The following PIBF1 variants were observed in gnomAD, a reference collection of about 807,000 sequenced individuals.
PIBF1 encodes progesterone-induced-blocking factor 1.
PIBF1 carries 90 observed loss-of-function variants against 112.5 expected under a neutral mutation model. The ratio of observed to expected loss-of-function variants is 0.80; its 90% CI spans 0.67 to 0.95. The LOEUF is 0.95. PIBF1 is among the 40% of genes least tolerant of loss of function. The probability of loss-of-function intolerance (pLI) is 0.00; values close to 1 mark genes in which losing one functional copy is unlikely to be tolerated. For synonymous variants in PIBF1, 301 were observed against 288.6 expected, an observed-to-expected ratio of 1.04 and a Z score of -0.44; for missense variants, 915 against 852.3, an observed-to-expected ratio of 1.07 and a Z score of -0.92.
intron 15 of PIBF1, among the ~76,000 whole-genome samples, chr13:72,972,224 G>T (rs1356239295): frequency 5.3e-5 from 8 of 151,478 alleles, no homozygotes; most frequent in South Asian, 4.2e-4. Context: ...AGAGATGGGG[G>T]TCTCTCTGTG....
At chr13:72,897,623 C>T (rs969681458) in intron 11 of PIBF1, among the ~76,000 whole-genome samples, 5 of 152,148 alleles carry the variant, frequency 3.3e-5, no homozygotes, top group African/African-American at 1.2e-4. Context: ...TGGAAAAAGG[C>T]ATTTCATGCA....
At chr13:72,848,983 T>C (rs1009672727) in intron 9 of PIBF1, among the ~76,000 whole-genome samples, 4 of 152,226 alleles carry the variant, frequency 2.6e-5, no homozygotes, top group African/African-American at 9.6e-5. Context: ...TTCTAAAAAG[T>C]GCACCAGGTT....
chr13:72,963,105 C>G (rs2042649428), intron 14 of PIBF1, among the ~76,000 whole-genome samples: 1 of 152,082 alleles, frequency 6.6e-6, no homozygotes, highest in African/African-American at 2.4e-5. Context: ...AAGTTGGACC[C>G]TTACCTTACA....
chr13:72,791,529 C>T (rs759624981), intron 2 of PIBF1, among the ~76,000 whole-genome samples: 5 of 152,118 alleles, frequency 3.3e-5, no homozygotes, highest in Non-Finnish European at 7.4e-5. Context: ...AAGCTAATGA[C>T]AAAAGTAGTT....
intron 3 of PIBF1, among the ~76,000 whole-genome samples, chr13:72,793,529 C>T (rs961820271): frequency 1.3e-5 from 2 of 152,192 alleles, no homozygotes; most frequent in African/African-American, 2.4e-5. Flanking sequence ...GCAGATGCTG[C>T]TGGTCCAGAA....
Position 72,893,962 on chromosome 13 carries a change from G to A in PIBF1, c.1488+13G>A. 3 of 1,444,106 alleles carry A rather than the reference G, an allele frequency of 2.1e-6. No individual in the cohort carries two copies. The highest frequency in any genetic ancestry group is 1.8e-6 in the Non-Finnish European group (2 of 1,082,490). The allele number at this position is 1,444,106 out of a possible 1,614,324, so 89.5% of individuals were successfully genotyped here. A position where few individuals can be genotyped will look rare whatever the true frequency, so the allele number is the denominator to read the frequency against. On this transcript the variant is annotated intron_variant, in intron 11 of 17. Coordinates refer to ENST00000326291, the MANE Select transcript of PIBF1 (RefSeq NM_006346.4). ...GAAAAAATTGGAGGTACATGTACAA[G>A]CTTTTCTTTCAACATTAGCATGGCA... is the stretch of plus-strand genomic sequence containing the variant.
intron 6 of PIBF1, among the ~76,000 whole-genome samples, chr13:72,824,805 C>G (rs1478684548): frequency 6.6e-6 from 1 of 152,156 alleles, no homozygotes; most frequent in Non-Finnish European, 1.5e-5. Flanking sequence ...CTACCTTAAC[C>G]TAGTGATCAA....
chr13:72,994,957 G>C (rs1374799256), intron 16 of PIBF1, among the ~76,000 whole-genome samples: 1 of 152,130 alleles, frequency 6.6e-6, no homozygotes, highest in Non-Finnish European at 1.5e-5. Context: ...AAAAAGGTCG[G>C]TGTAAGACAT....
At chr13:72,858,145 G>A (rs537923455) in intron 10 of PIBF1, among the ~76,000 whole-genome samples, 125 of 151,944 alleles carry the variant, frequency 8.2e-4, no homozygotes, top group Middle Eastern at 3.4e-3. Flanking sequence ...TCTGCCTCCC[G>A]GGTTCAAGTG....
chr13:72,877,134 G>T (rs1278495405), intron 10 of PIBF1, among the ~76,000 whole-genome samples: 1 of 152,088 alleles, frequency 6.6e-6, no homozygotes, highest in Admixed American at 6.6e-5. Context: ...CTATTGACAG[G>T]ATCATGTGGT....
At chr13:72,889,944 G>A (rs1383518458) in intron 10 of PIBF1, among the ~76,000 whole-genome samples, 1 of 152,150 alleles carries the variant, frequency 6.6e-6, no homozygotes, top group African/African-American at 2.4e-5. Flanking sequence ...TCAAAAATCA[G>A]TTGTTTCTCA....
chr13:72,892,833 T>A (rs9543165), intron 10 of PIBF1, among the ~76,000 whole-genome samples: 17,792 of 141,702 alleles, frequency 0.13, 1,412 homozygotes, highest in Non-Finnish European at 0.18. Flanking sequence ...CACCCCTCTA[T>A]ACAAACCAAG....
At chr13:72,880,387 A>C (rs2039576058) in intron 10 of PIBF1, among the ~76,000 whole-genome samples, 3 of 152,352 alleles carry the variant, frequency 2.0e-5, no homozygotes, top group South Asian at 4.1e-4. Flanking sequence ...ATACAAAGTC[A>C]CCTGTTATTT....
chr13:72,810,005 A>G (rs1201530038), intron 5 of PIBF1, among the ~76,000 whole-genome samples: 1 of 152,230 alleles, frequency 6.6e-6, no homozygotes, highest in Non-Finnish European at 1.5e-5. Flanking sequence ...TGCAAATAAC[A>G]TCTAGATACT....
chr13:72,902,282 G>A (rs552355661), intron 11 of PIBF1, among the ~76,000 whole-genome samples: 1 of 149,046 alleles, frequency 6.7e-6, no homozygotes, highest in African/African-American at 2.4e-5. Flanking sequence ...ATAGTGCAGT[G>A]TATACTGCCC....
At chr13:72,897,742 G>A (rs977394987) in intron 11 of PIBF1, among the ~76,000 whole-genome samples, 1 of 152,144 alleles carries the variant, frequency 6.6e-6, no homozygotes. Flanking sequence ...ATGGTAAAAG[G>A]CCTTGTCCAA....
chr13:72,797,714 T>C (rs1472795695), intron 4 of PIBF1, among the ~76,000 whole-genome samples, 193 bp from the exon 5 acceptor site: 1 of 152,120 alleles, frequency 6.6e-6, no homozygotes, highest in East Asian at 1.9e-4. Context: ...TTATAAATCA[T>C]CTGGCCCTTG....
intron 8 of PIBF1, among the ~76,000 whole-genome samples, chr13:72,831,308 T>C (rs2037100601): frequency 6.6e-6 from 1 of 152,192 alleles, no homozygotes; most frequent in Non-Finnish European, 1.5e-5. Flanking sequence ...TTCTGCTAGA[T>C]TTTGAATTTG....
chr13:72,819,453 C>G (rs2036441424), intron 5 of PIBF1, among the ~76,000 whole-genome samples: 1 of 152,040 alleles, frequency 6.6e-6, no homozygotes, highest in Non-Finnish European at 1.5e-5. Flanking sequence ...AAGCTTGTTT[C>G]ATTTTTTAAA....
Sources: gnomAD v4.1 joint callset for allele counts (sites outside exome capture counted in the v4.1 genomes callset) on GRCh38, gnomAD v4.1.1 for gene constraint, MANE v1.5 for transcripts, NCBI Gene and HGNC (gene_info 2026-07-23, HGNC 2026-07-21) for gene names.